Variants in FAM184B observed in about 807,000 individuals in gnomAD.
The protein encoded by FAM184B is family with sequence similarity 184 member B.
Under a neutral mutation model 135.9 loss-of-function variants are expected in FAM184B, and 111 were observed. The observed-to-expected ratio is 0.82, with a 90% confidence interval of 0.70 to 0.96. FAM184B has a LOEUF of 0.96. FAM184B is among the 40% of genes least tolerant of loss of function. FAM184B has a pLI of 0.00. For missense variants in FAM184B, 1,375 were observed against 1,323.9 expected, an observed-to-expected ratio of 1.04 and a Z score of -0.60; for synonymous variants, 552 against 524.8, an observed-to-expected ratio of 1.05 and a Z score of -0.71.
intron 1 of FAM184B, among the ~76,000 whole-genome samples, chr4:17,764,061 CTAATTA>C (rs1718603600): frequency 6.6e-6 from 1 of 152,146 alleles, no homozygotes; most frequent in South Asian, 2.1e-4. Flanking sequence ...TTCTGTCATC[CTAATTA>C]TAACAAAATC....
intron 1 of FAM184B, among the ~76,000 whole-genome samples, chr4:17,735,238 G>A (rs62297862): frequency 2.0e-5 from 3 of 151,894 alleles, no homozygotes; most frequent in South Asian, 2.1e-4. Context: ...GCTAAATGAC[G>A]AGTTAATGGA....
chr4:17,666,761 T>C (rs1282176302), intron 7 of FAM184B, among the ~76,000 whole-genome samples: 1 of 151,978 alleles, frequency 6.6e-6, no homozygotes, highest in African/African-American at 2.4e-5. Flanking sequence ...AATTATCTGT[T>C]TACCTTACTG....
chr4:17,631,454 G>A lies in FAM184B; in HGVS notation c.*1078C>T, dbSNP rs60557224. ...TGTTGGGATTACAGGCATGAGCCAT[G>A]TGCCCAGTCTAGAAGATCTTTGACT... is the stretch of plus-strand genomic sequence containing the variant. On this transcript the variant is annotated 3_prime_UTR_variant, in exon 18 of 18. Transcript: ENST00000265018. 0.015 allele frequency: 2,291 copies of A among 152,306 alleles called. 22 individuals carry two copies. Among genetic ancestry groups the A allele is most frequent in the Middle Eastern group, 0.024 (7 of 294 alleles). 9.4% of individuals were successfully genotyped at this position (152,306 alleles called of 1,614,324 possible).
At chr4:17,742,690 C>G (rs982410432) in intron 1 of FAM184B, among the ~76,000 whole-genome samples, 1 of 152,184 alleles carries the variant, frequency 6.6e-6, no homozygotes, top group Admixed American at 6.5e-5. Context: ...TCAGACAGTG[C>G]GGCTTCAGGG....
At chr4:17,646,770 A>G (rs965858156) in intron 12 of FAM184B, among the ~76,000 whole-genome samples, 1 of 152,156 alleles carries the variant, frequency 6.6e-6, no homozygotes, top group Admixed American at 6.5e-5. Context: ...GGGCTTTGGG[A>G]GAATAGCTGA....
intron 7 of FAM184B, among the ~76,000 whole-genome samples, chr4:17,680,395 T>C (rs911204698): frequency 2.6e-5 from 4 of 152,110 alleles, no homozygotes; most frequent in Non-Finnish European, 4.4e-5. Context: ...TGAACACATG[T>C]TCAATGATAA....
intron 1 of FAM184B, among the ~76,000 whole-genome samples, chr4:17,719,796 A>T (rs1717476426): frequency 6.6e-6 from 1 of 152,194 alleles, no homozygotes; most frequent in African/African-American, 2.4e-5. Flanking sequence ...AATTATCACC[A>T]ATCAGGCTTT....
At chr4:17,703,988 C>T (rs1445225794) in intron 5 of FAM184B, among the ~76,000 whole-genome samples, 1 of 151,976 alleles carries the variant, frequency 6.6e-6, no homozygotes, top group African/African-American at 2.4e-5. Flanking sequence ...GTTATATGAC[C>T]TGTCTACAGT....
intron 1 of FAM184B, among the ~76,000 whole-genome samples, chr4:17,778,945 T>C (rs541227385): frequency 1.3e-5 from 2 of 152,288 alleles, no homozygotes; most frequent in African/African-American, 4.8e-5. Flanking sequence ...GAGTAAAATA[T>C]ACAAAGTTCT....
chr4:17,641,461 C>CTTTTTTTTTTTTTTTTTTTTTTTTTTT (rs71167316), intron 13 of FAM184B, among the ~76,000 whole-genome samples: 1 of 45,646 alleles, frequency 2.2e-5, no homozygotes, highest in African/African-American at 8.5e-5. Context: ...AGGACTCCCT[C>CTTTTTTTTTTTTTTTTTTTTTTTTTTT]TTTTTTTTTT....
At chr4:17,685,198 TAAAA>T (rs56051873) in intron 7 of FAM184B, among the ~76,000 whole-genome samples, 2 of 103,528 alleles carry the variant, frequency 1.9e-5, no homozygotes, top group African/African-American at 3.6e-5. Context: ...CCCTGGAACT[TAAAA>T]AAAAAAAAAA....
At chr4:17,716,592 C>T (rs992727241) in intron 1 of FAM184B, among the ~76,000 whole-genome samples, 1 of 152,126 alleles carries the variant, frequency 6.6e-6, no homozygotes, top group Non-Finnish European at 1.5e-5. Flanking sequence ...GTCATCTGCT[C>T]GCCTCAGCCT....
At chr4:17,694,990 G>T (rs1199137038) in intron 5 of FAM184B, among the ~76,000 whole-genome samples, 1 of 95,012 alleles carries the variant, frequency 1.1e-5, no homozygotes, top group Non-Finnish European at 2.3e-5. Context: ...AGGTTTCCAG[G>T]ACCTGCAAAG....
chr4:17,748,441 T>C (rs942274320), intron 1 of FAM184B, among the ~76,000 whole-genome samples: 2 of 151,856 alleles, frequency 1.3e-5, no homozygotes, highest in African/African-American at 4.8e-5. Context: ...TACCTCAGAG[T>C]TGGTCAATGG....
At chr4:17,687,441 C>T (rs895669083) in intron 7 of FAM184B, among the ~76,000 whole-genome samples, 2 of 152,182 alleles carry the variant, frequency 1.3e-5, no homozygotes, top group African/African-American at 4.8e-5. Context: ...TGACATGGTA[C>T]AACAAATGTT....
intron 13 of FAM184B, among the ~76,000 whole-genome samples, chr4:17,640,018 CGG>C (rs1419768339): frequency 6.6e-6 from 1 of 151,142 alleles, no homozygotes; most frequent in African/African-American, 2.4e-5. Context: ...TTAGTAAAGA[CGG>C]GGGGTTTCAC....
In FAM184B at chr4:17,781,363, TGCGCGCGCGG is replaced by T; in HGVS notation, c.-74_-65del. On this transcript the variant is annotated 5_prime_UTR_variant, in exon 1 of 18. Transcript: ENST00000265018. The surrounding 1 kb of genome is among the most constrained non-coding windows in gnomAD (Gnocchi z 6.5). Reference sequence around the variant, plus strand: ...TCCCTGCCCACCGTGTGCACGTGCGTGCGCGCGCGGGCGTGCGAGCGTGTGGGTTTCTCGG... The same window carrying T: ...TCCCTGCCCACCGTGTGCACGTGCGTGCGTGCGAGCGTGTGGGTTTCTCGG... 2 of 1,415,574 alleles carry T rather than the reference TGCGCGCGCGG, an allele frequency of 1.4e-6. No homozygotes were observed. The highest frequency in any genetic ancestry group is 1.8e-4 in the Middle Eastern group (1 of 5,434). 87.7% of individuals were successfully genotyped at this position (1,415,574 alleles called of 1,614,324 possible). A position where few individuals can be genotyped will look rare whatever the true frequency, so the allele number is the denominator to read the frequency against.
rs140174647 is a variant in FAM184B at position 17,702,449 on chromosome 4, C to G, written c.1377+2551G>C. Reference sequence around the variant, plus strand: ...TCAAGGCCTACAGGTCAGCTCCAGCCCACCTCCTATAGTGTTTTCTTTAGG... The same window carrying G: ...TCAAGGCCTACAGGTCAGCTCCAGCGCACCTCCTATAGTGTTTTCTTTAGG... On this transcript the variant is annotated intron_variant, in intron 5 of 17. Transcript: ENST00000265018. Among the ~76,000 whole-genome samples the G allele has an allele frequency of 4.1e-3, 626 of 152,190 alleles. 4 individuals are homozygous for G. The highest frequency in any genetic ancestry group is 0.014 in the African/African-American group (592 of 41,528).
intron 1 of FAM184B, among the ~76,000 whole-genome samples, chr4:17,757,405 C>T (rs762069188): frequency 1.3e-4 from 19 of 151,990 alleles, no homozygotes; most frequent in Admixed American, 2.0e-4. Flanking sequence ...GACAGAACTA[C>T]AAAACAATGT....
Sources: gnomAD v4.1 joint callset for allele counts (sites outside exome capture counted in the v4.1 genomes callset) on GRCh38, gnomAD v4.1.1 for gene constraint, Gnocchi (gnomAD v3.1) non-coding constraint, MANE v1.5 for transcripts, NCBI Gene and HGNC (gene_info 2026-07-23, HGNC 2026-07-21) for gene names.